SCHIP1: variants seen among roughly 807,000 people sequenced by gnomAD.
The protein encoded by SCHIP1 is schwannomin-interacting protein 1.
A neutral mutation model predicts 29.7 loss-of-function variants in SCHIP1; 8 were observed. The ratio of observed to expected loss-of-function variants is 0.27; its 90% confidence interval spans 0.16 to 0.49. The LOEUF (loss-of-function observed/expected upper bound fraction) is 0.49. Among genes scored for constraint, SCHIP1 ranks in the 20% least tolerant of loss-of-function variants. SCHIP1 has a pLI of 0.99. For synonymous variants in SCHIP1, 76 were observed against 94.9 expected (o/e 0.80, Z 1.16); for missense variants, 193 against 294.6 (o/e 0.66, Z 2.52).
the SCHIP1 span, among the ~76,000 whole-genome samples, chr3:159,783,283 G>A: frequency 6.6e-6 from 1 of 152,194 alleles, no homozygotes; most frequent in Non-Finnish European, 1.5e-5. Flanking sequence ...CAGCTGCCGA[G>A]GCAGAGACAG....
At chr3:159,830,844 A>C in the SCHIP1 span, among the ~76,000 whole-genome samples, 2 of 152,230 alleles carry the variant, frequency 1.3e-5, no homozygotes, top group African/African-American at 4.8e-5. Flanking sequence ...GCAAGGCAAG[A>C]AGCAAGGGAA....
the SCHIP1 span, among the ~76,000 whole-genome samples, chr3:159,436,549 A>T: frequency 6.6e-6 from 1 of 152,146 alleles, no homozygotes; most frequent in Non-Finnish European, 1.5e-5. Context: ...TCTTTTTCCA[A>T]ATACTAATGG....
the SCHIP1 span, among the ~76,000 whole-genome samples, chr3:159,582,322 T>G: frequency 1.2e-4 from 18 of 151,754 alleles, no homozygotes; most frequent in Non-Finnish European, 2.4e-4. Context: ...GGCCACCATG[T>G]CTGGCTTATT....
the SCHIP1 span, among the ~76,000 whole-genome samples, chr3:159,671,943 G>C: frequency 6.6e-6 from 1 of 152,080 alleles, no homozygotes; most frequent in African/African-American, 2.4e-5. Context: ...TCCACACCAG[G>C]AGAGCACTTG....
intron 1 of SCHIP1, among the ~76,000 whole-genome samples, chr3:159,847,951 A>G (rs1423239285): frequency 1.3e-5 from 2 of 152,186 alleles, no homozygotes; most frequent in African/African-American, 4.8e-5. Context: ...TATGGATGTT[A>G]AGGCCGAGGA....
At chr3:159,324,128 T>C in the SCHIP1 span, among the ~76,000 whole-genome samples, 46 of 152,286 alleles carry the variant, frequency 3.0e-4, no homozygotes, top group African/African-American at 9.6e-4. Flanking sequence ...TACTGCAGCC[T>C]GTGAGTCAGA....
chr3:159,504,120 A>G, the SCHIP1 span, among the ~76,000 whole-genome samples: 1 of 152,198 alleles, frequency 6.6e-6, no homozygotes. Flanking sequence ...CCATTAACAG[A>G]GGAGAGAGGA....
At chr3:159,806,067 C>T in the SCHIP1 span, among the ~76,000 whole-genome samples, 1 of 152,314 alleles carries the variant, frequency 6.6e-6, no homozygotes, top group South Asian at 2.1e-4. Context: ...GCCTCGGCCT[C>T]CCAAAGTACT....
At chr3:159,468,778 T>TATATATATATA in the SCHIP1 span, among the ~76,000 whole-genome samples, 1 of 64,344 alleles carries the variant, frequency 1.6e-5, no homozygotes, top group African/African-American at 7.1e-5. Context: ...TATATATATA[T>TATATATATATA]TTTTTTTAGA....
At chr3:159,390,559 T>C in the SCHIP1 span, among the ~76,000 whole-genome samples, 4 of 152,124 alleles carry the variant, frequency 2.6e-5, no homozygotes, top group African/African-American at 9.7e-5. Context: ...AGTGAACTTA[T>C]TTAAAAAAAC....
the SCHIP1 span, among the ~76,000 whole-genome samples, chr3:159,381,873 C>T: frequency 1.3e-5 from 2 of 152,174 alleles, no homozygotes; most frequent in Non-Finnish European, 2.9e-5. Flanking sequence ...GCTAAGATTA[C>T]AGGCGTGAGC....
the SCHIP1 span, among the ~76,000 whole-genome samples, chr3:159,585,635 C>T: frequency 6.6e-6 from 1 of 152,234 alleles, no homozygotes; most frequent in South Asian, 2.1e-4. Flanking sequence ...AAACTTATTA[C>T]ATAGCACACT....
At chr3:159,738,917 T>C in the SCHIP1 span, among the ~76,000 whole-genome samples, 1 of 152,216 alleles carries the variant, frequency 6.6e-6, no homozygotes, top group East Asian at 1.9e-4. Flanking sequence ...AATGGAGCAT[T>C]CTAGGCAGAG....
At chr3:159,455,271 A>G in the SCHIP1 span, among the ~76,000 whole-genome samples, 13 of 152,170 alleles carry the variant, frequency 8.5e-5, no homozygotes, top group South Asian at 2.1e-4. Flanking sequence ...GAACATGTGA[A>G]TAATATTTCC....
At chr3:159,482,072 T>C in the SCHIP1 span, among the ~76,000 whole-genome samples, 1 of 152,142 alleles carries the variant, frequency 6.6e-6, no homozygotes. Flanking sequence ...AGAAAACTAA[T>C]ACTTAACTGA....
the SCHIP1 span, among the ~76,000 whole-genome samples, chr3:159,780,051 C>T: frequency 6.6e-6 from 1 of 152,272 alleles, no homozygotes; most frequent in South Asian, 2.1e-4. Flanking sequence ...GGGACTACCT[C>T]TTCCGCGTCA....
the SCHIP1 span, among the ~76,000 whole-genome samples, chr3:159,278,500 C>G: frequency 7.9e-5 from 12 of 152,196 alleles, no homozygotes; most frequent in Admixed American, 2.0e-4. Flanking sequence ...TCATTGATCA[C>G]TAATCAATTC....
the SCHIP1 span, among the ~76,000 whole-genome samples, chr3:159,699,058 T>C: frequency 1.3e-5 from 2 of 152,352 alleles, no homozygotes; most frequent in East Asian, 3.8e-4. Context: ...TATCATTTTA[T>C]GTTCTCTATT....
the SCHIP1 span, among the ~76,000 whole-genome samples, chr3:159,716,503 C>A: frequency 1.3e-5 from 2 of 152,130 alleles, no homozygotes; most frequent in Admixed American, 1.3e-4. Context: ...ATTCAGGAGA[C>A]CCCTCTCATG....
Sources: allele counts gnomAD v4.1 joint callset (sites outside exome capture counted in the v4.1 genomes callset), GRCh38; gene constraint gnomAD v4.1.1; transcripts MANE v1.5; gene names NCBI Gene and HGNC (gene_info 2026-07-23, HGNC 2026-07-21).